The following ENPP2 variants were observed in gnomAD, a reference collection of about 807,000 sequenced individuals.
ENPP2 encodes the protein autotaxin.
In ENPP2, 51 loss-of-function variants were observed where a neutral mutation model predicts 120.2. The observed-to-expected ratio is 0.42, with a 90% CI of 0.34 to 0.54. The LOEUF (loss-of-function observed/expected upper bound fraction) is 0.54, where lower values mean the gene tolerates loss of function less well. Ranked by LOEUF, ENPP2 falls within the 20% of genes least tolerant of loss-of-function variation. ENPP2 has a pLI of 0.04. For missense variants in ENPP2, 920 were observed against 1,066.5 expected (o/e 0.86, Z 1.91); for synonymous variants, 365 against 366.4 (o/e 1.00, Z 0.04).
At chr8:119,626,473 C>T (rs976881158) in intron 3 of ENPP2, 92 bp downstream of exon 3, 1 of 983,300 alleles carries the variant, frequency 1.0e-6, no homozygotes, top group African/African-American at 1.6e-5. Flanking sequence ...TTTGGATAGA[C>T]CAAAGCAGGG....
chr8:119,572,570 G>A (rs1386996435), intron 19 of ENPP2: 1 of 265,168 alleles, frequency 3.8e-6, no homozygotes, highest in Non-Finnish European at 7.3e-6. Context: ...CACAATTGTT[G>A]TTAGCAACAT....
At chr8:119,663,147 A>AAAAAG (rs1323366135) in intron 1 of ENPP2, among the ~76,000 whole-genome samples, 2 of 151,968 alleles carry the variant, frequency 1.3e-5, no homozygotes, top group Middle Eastern at 3.4e-3. Flanking sequence ...GAAAGAAAGA[A>AAAAAG]AAAAGAAAAG....
At chr8:119,603,947 C>T (rs1261706508) in intron 9 of ENPP2, among the ~76,000 whole-genome samples, 1 of 151,542 alleles carries the variant, frequency 6.6e-6, no homozygotes, top group Non-Finnish European at 1.5e-5. Context: ...AGCCATCCTA[C>T]CTCTGACCTT....
chr8:119,661,214 C>T (rs1817910810), intron 1 of ENPP2, among the ~76,000 whole-genome samples: 1 of 152,060 alleles, frequency 6.6e-6, no homozygotes, highest in Non-Finnish European at 1.5e-5. Flanking sequence ...ATACCTCATG[C>T]TTGTGGGGCT....
chr8:119,569,449 C>A lies in ENPP2; in HGVS notation c.1918-79G>T, dbSNP rs112580933. 176 of 1,381,078 alleles carry A rather than the reference C, an allele frequency of 1.3e-4. 1 individual carries two copies. In the African/African-American group the frequency reaches 1.7e-3, roughly 14 times the overall value. The allele number at this position is 1,381,078 out of a possible 1,614,324, so 85.6% of individuals were successfully genotyped here. A position where few individuals can be genotyped will look rare whatever the true frequency, so the allele number is the denominator to read the frequency against. On this transcript the variant is annotated intron_variant, in intron 20 of 24. Coordinates refer to ENST00000075322, the MANE Select transcript of ENPP2 (RefSeq NM_001040092.3). ...GAAATCAAAACCCCTCTGGCTTCTC[C>A]TATGCTTGTATTCTGATTGATAGTC...
intron 9 of ENPP2, among the ~76,000 whole-genome samples, chr8:119,603,685 G>A (rs1405765279): frequency 7.9e-5 from 12 of 152,148 alleles, no homozygotes; most frequent in African/African-American, 2.2e-4. Context: ...TTAGAAAAAT[G>A]TTAGCTTTTA....
intron 1 of ENPP2, among the ~76,000 whole-genome samples, chr8:119,645,127 CGAA>C (rs1232782002): frequency 2.0e-5 from 3 of 152,078 alleles, no homozygotes; most frequent in Admixed American, 1.3e-4. Flanking sequence ...AATGGAGGTT[CGAA>C]GAGTATGGGG....
chr8:119,562,883 G>A lies in ENPP2; in HGVS notation c.2395C>T (p.Arg799Trp), dbSNP rs370024218. The A allele has an allele frequency of 5.8e-5, 94 of 1,613,964 alleles. No homozygotes were observed. The highest frequency in any genetic ancestry group is 1.2e-4 in the South Asian group (11 of 91,082). Residue 799 changes from arginine (R) to tryptophan (W), a missense_variant, in exon 24 of 25, where the codon CGG (arginine) becomes TGG (tryptophan). By Grantham distance (101) the Arg-to-Trp change is moderately radical (BLOSUM62 -3). Coordinates refer to ENST00000075322, the MANE Select transcript of ENPP2 (RefSeq NM_001040092.3). ...TTGCAGCTCTCCTCGTTGTCAGGCC[G>A]GTGAGGCAGGATGAAGGAGGACACA... ...LSVSSFILPH[R>W]PDNEESCNSS...
At chr8:119,653,070 C>T (rs1817670080) in intron 1 of ENPP2, among the ~76,000 whole-genome samples, 1 of 152,150 alleles carries the variant, frequency 6.6e-6, no homozygotes, top group African/African-American at 2.4e-5. Context: ...TTCCTGCCCA[C>T]ATCCAGGAGG....
chr8:119,579,978 A>C (rs1812616748), intron 19 of ENPP2, 138 bp downstream of exon 19: 6 of 710,374 alleles, frequency 8.4e-6, no homozygotes, highest in Non-Finnish European at 1.5e-5. Context: ...CCTTTGCCAG[A>C]TAGGTATGAA....
chr8:119,596,918 C>T (rs1266023437), intron 11 of ENPP2, among the ~76,000 whole-genome samples: 1 of 151,860 alleles, frequency 6.6e-6, no homozygotes, highest in African/African-American at 2.4e-5. Context: ...GAAAAACAGG[C>T]CCCTGATTTG....
chr8:119,627,038 A>G (rs1380425611), intron 2 of ENPP2, among the ~76,000 whole-genome samples: 1 of 152,204 alleles, frequency 6.6e-6, no homozygotes, highest in African/African-American at 2.4e-5. Context: ...TTCAATTACT[A>G]TTTATAATTA....
At chr8:119,626,042 GAAAA>G in intron 3 of ENPP2, among the ~76,000 whole-genome samples, 1 of 151,910 alleles carries the variant, frequency 6.6e-6, no homozygotes. Flanking sequence ...GGGAAAGCAA[GAAAA>G]AAAATTTTTT....
intron 17 of ENPP2, among the ~76,000 whole-genome samples, chr8:119,582,953 C>T (rs937613783): frequency 2.6e-5 from 4 of 152,198 alleles, no homozygotes; most frequent in African/African-American, 7.2e-5. Context: ...CTTTTTCCTG[C>T]ACTTCTCTGG....
chr8:119,597,912 G>A (rs1254040165), intron 11 of ENPP2, among the ~76,000 whole-genome samples: 1 of 152,116 alleles, frequency 6.6e-6, no homozygotes, highest in Non-Finnish European at 1.5e-5. Flanking sequence ...TCATCTTATT[G>A]TAGCATATAG....
rs993632438 is a variant in ENPP2, at chr8:119,568,162, A to G, written c.2131+13T>C. The G allele has an allele frequency of 3.6e-6, 5 of 1,390,402 alleles. No homozygotes were observed. The African/African-American group carries it at 7.1e-5, about 20-fold the overall frequency. The allele number at this position is 1,390,402 out of a possible 1,614,324, so 86.1% of individuals were successfully genotyped here. ...TCATAAATAACAGTGTATTAGGTAA[A>G]TATTGGACTTACGTTTGAAAGCAGG... On this transcript the variant is annotated intron_variant, in intron 22 of 24. Coordinates refer to ENST00000075322, the MANE Select transcript of ENPP2 (RefSeq NM_001040092.3).
upstream of ENPP2, among the ~76,000 whole-genome samples, chr8:119,643,820 G>A (rs561302779): frequency 1.3e-5 from 2 of 152,302 alleles, no homozygotes; most frequent in African/African-American, 4.8e-5. Context: ...CTAGTCAAGA[G>A]GGTCAGAGAA....
At chr8:119,640,486 G>T (rs1817246170), upstream of ENPP2, among the ~76,000 whole-genome samples, 1 of 152,074 alleles carries the variant, frequency 6.6e-6, no homozygotes. Context: ...AACAAAAACA[G>T]CCTCTTCTTT....
At chr8:119,638,855 GT>G, upstream of ENPP2, 2 of 1,606,648 alleles carry the variant, frequency 1.2e-6, no homozygotes, top group East Asian at 2.2e-5. Flanking sequence ...GAGGCTCTGG[GT>G]TTAGTCTATT....
Sources: allele counts gnomAD v4.1 joint callset (sites outside exome capture counted in the v4.1 genomes callset), GRCh38; gene constraint gnomAD v4.1.1; transcripts MANE v1.5; gene names NCBI Gene and HGNC (gene_info 2026-07-23, HGNC 2026-07-21).